SGCZ: variants seen among roughly 807,000 people sequenced by gnomAD.
The protein encoded by SGCZ is zeta-sarcoglycan.
In SGCZ, 40 loss-of-function variants were observed where a neutral mutation model predicts 41.3. That is an observed-to-expected ratio of 0.97 (90% CI 0.75 to 1.26). The LOEUF is 1.26. Among genes scored for constraint, SGCZ ranks in the 50% most tolerant of loss-of-function variants. The pLI, the probability that SGCZ is intolerant of heterozygous loss-of-function variation, is 0.00. For missense variants in SGCZ, 552 were observed against 369.8 expected (o/e 1.49, Z -4.04); for synonymous variants, 206 against 137.5 (o/e 1.50, Z -3.49).
rs187259843 is a variant in SGCZ, at chr8:14,954,568, T to A, written c.39+283017A>T. ...TGTTCTCCTGCTCACAGACTCTCTT[T>A]ATCAATGTACTCCCCTACTGGCTTT... is the stretch of plus-strand genomic sequence containing the variant. On this transcript the variant is annotated intron_variant, in intron 1 of 7. Transcript: ENST00000382080. 2.8e-3 allele frequency among the ~76,000 whole-genome samples: 420 copies of A among 152,238 alleles called. 2 individuals are homozygous for A. The highest frequency in any genetic ancestry group is 0.027 in the Middle Eastern group (8 of 294).
intron 1 of SGCZ, among the ~76,000 whole-genome samples, chr8:14,964,385 C>G (rs1316795082): frequency 6.6e-6 from 1 of 152,138 alleles, no homozygotes; most frequent in Non-Finnish European, 1.5e-5. Context: ...AAGAAGAAAG[C>G]CTTTTCACCA....
chr8:14,668,288 A>G (rs1375778025), intron 1 of SGCZ, among the ~76,000 whole-genome samples: 1 of 152,172 alleles, frequency 6.6e-6, no homozygotes, highest in Non-Finnish European at 1.5e-5. Flanking sequence ...AATTCAGTCC[A>G]AGCTCATAGG....
At chr8:14,867,603 G>T (rs774807303) in intron 1 of SGCZ, among the ~76,000 whole-genome samples, 1 of 152,042 alleles carries the variant, frequency 6.6e-6, no homozygotes, top group Non-Finnish European at 1.5e-5. Context: ...CCACAACCTC[G>T]CCAGCATCTG....
chr8:15,237,475 T>C (rs1314274014), intron 1 of SGCZ, 110 bp downstream of exon 1: 2 of 1,338,630 alleles, frequency 1.5e-6, no homozygotes, highest in Non-Finnish European at 2.1e-6. Context: ...CCCCTCGTCG[T>C]CCCGCGGGAC....
intron 1 of SGCZ, among the ~76,000 whole-genome samples, chr8:15,040,134 A>G (rs1187656557): frequency 6.6e-6 from 1 of 152,232 alleles, no homozygotes; most frequent in African/African-American, 2.4e-5. Flanking sequence ...TTGTTATTTA[A>G]ATAGGTACAT....
rs572264596 is a variant in SGCZ at position 14,653,653 on chromosome 8, G to C, written c.40-98727C>G. Among the ~76,000 whole-genome samples, 153 of 152,120 alleles carry C rather than the reference G, an allele frequency of 1.0e-3. 1 individual carries two copies. Among genetic ancestry groups the C allele is most frequent in the African/African-American group, 3.5e-3 (144 of 41,468 alleles). ...TGTCTATAAGCGACCATGCTATCTT[G>C]ATTCTTAGCAGCTTCGCTTTCTCAT... On this transcript the variant is annotated intron_variant, in intron 1 of 7. Transcript: ENST00000382080.
intron 2 of SGCZ, among the ~76,000 whole-genome samples, chr8:14,325,747 C>CATATATATAT (rs370021799): frequency 4.3e-5 from 3 of 69,460 alleles, no homozygotes; most frequent in African/African-American, 8.9e-5. Context: ...CACACACACA[C>CATATATATAT]ATATATATAT....
intron 4 of SGCZ, among the ~76,000 whole-genome samples, chr8:14,177,766 C>T (rs1342441373): frequency 1.3e-5 from 2 of 149,646 alleles, no homozygotes; most frequent in Non-Finnish European, 3.0e-5. Context: ...CCTCGTGATC[C>T]ATTCGCCTCA....
chr8:14,104,980 G>C (rs1001444819), intron 6 of SGCZ, among the ~76,000 whole-genome samples: 1 of 151,978 alleles, frequency 6.6e-6, no homozygotes, highest in Non-Finnish European at 1.5e-5. Flanking sequence ...TGTATAATTA[G>C]TTTCATCACT....
chr8:15,039,773 C>A (rs1418898106), intron 1 of SGCZ, among the ~76,000 whole-genome samples: 4 of 152,086 alleles, frequency 2.6e-5, no homozygotes, highest in Non-Finnish European at 5.9e-5. Context: ...TTTTCATTTC[C>A]TTGAGAACCA....
chr8:14,710,231 G>A lies in SGCZ; in HGVS notation c.40-155305C>T, dbSNP rs554566507. ...AAAACAAAAAAAAAATTAGCAGGGC[G>A]TGGTGGCAGGCGCCTGTAGTCCCCA... On this transcript the variant is annotated intron_variant, in intron 1 of 7. Coordinates refer to ENST00000382080, the MANE Select transcript of SGCZ (RefSeq NM_139167.4). Among the ~76,000 whole-genome samples, 118 of 152,064 alleles carry A rather than the reference G, an allele frequency of 7.8e-4. 2 individuals are homozygous for A. In the South Asian group the frequency reaches 8.5e-3, roughly 11 times the overall value.
intron 1 of SGCZ, among the ~76,000 whole-genome samples, chr8:14,975,438 A>G (rs1457303841): frequency 6.6e-6 from 1 of 152,194 alleles, no homozygotes; most frequent in Non-Finnish European, 1.5e-5. Flanking sequence ...TGTAAATAAC[A>G]TTCACAGACA....
At chr8:14,965,318 G>T (rs955310059) in intron 1 of SGCZ, among the ~76,000 whole-genome samples, 2 of 152,092 alleles carry the variant, frequency 1.3e-5, no homozygotes, top group African/African-American at 4.8e-5. Flanking sequence ...ACTTTTCCTA[G>T]AGTGAAGTTT....
chr8:14,337,215 C>A (rs935870395), intron 2 of SGCZ, among the ~76,000 whole-genome samples: 1 of 152,126 alleles, frequency 6.6e-6, no homozygotes, highest in African/African-American at 2.4e-5. Context: ...CTGCAATTGT[C>A]CCCTTCCTTG....
At chr8:14,726,298 A>T (rs1231272876) in intron 1 of SGCZ, among the ~76,000 whole-genome samples, 5 of 134,366 alleles carry the variant, frequency 3.7e-5, no homozygotes, top group African/African-American at 1.4e-4. Context: ...GTGTGTGTGT[A>T]TATGTGTAAA....
chr8:14,981,575 T>A (rs959377820), intron 1 of SGCZ, among the ~76,000 whole-genome samples: 2 of 152,222 alleles, frequency 1.3e-5, no homozygotes, highest in African/African-American at 4.8e-5. Context: ...ATTGGAACTA[T>A]ATCCCTCTAT....
intron 1 of SGCZ, among the ~76,000 whole-genome samples, chr8:15,067,421 C>G (rs1805194154): frequency 6.6e-6 from 1 of 152,128 alleles, no homozygotes; most frequent in Non-Finnish European, 1.5e-5. Context: ...ATCTTATTAT[C>G]CCTACTGTAC....
rs143221520 is a variant in SGCZ at position 14,295,181 on chromosome 8, A to T, written c.336+28922T>A. ...TGTAATAGCCAAAAGATGCGAAAAGAAATGTTCTTCAACTGGTGAAATGAA... is the reference window on the plus strand; with the variant it reads ...TGTAATAGCCAAAAGATGCGAAAAGTAATGTTCTTCAACTGGTGAAATGAA... On this transcript the variant is annotated intron_variant, in intron 3 of 7. Transcript: ENST00000382080. Among the ~76,000 whole-genome samples the T allele has an allele frequency of 2.0e-5, 3 of 152,304 alleles. No individual in the cohort carries two copies. In the East Asian group the frequency reaches 5.8e-4, roughly 29 times the overall value.
intron 2 of SGCZ, among the ~76,000 whole-genome samples, chr8:14,343,923 T>C (rs1048321341): frequency 6.6e-6 from 1 of 151,846 alleles, no homozygotes; most frequent in African/African-American, 2.4e-5. Flanking sequence ...AAAGAGGTGA[T>C]CCAATTGAGG....
Sources: allele counts gnomAD v4.1 joint callset (sites outside exome capture counted in the v4.1 genomes callset), GRCh38; gene constraint gnomAD v4.1.1; transcripts MANE v1.5; gene names NCBI Gene and HGNC (gene_info 2026-07-23, HGNC 2026-07-21).